MAF: variants seen among roughly 807,000 people sequenced by gnomAD.
MAF encodes the protein transcription factor Maf.
Under a neutral mutation model 22.0 loss-of-function variants are expected in MAF, and 10 were observed. The observed-to-expected ratio is 0.45, with a 90% CI of 0.28 to 0.77. The LOEUF (loss-of-function observed/expected upper bound fraction) is 0.77. Ranked by LOEUF, MAF falls within the 30% of genes least tolerant of loss-of-function variation. The probability of loss-of-function intolerance (pLI) is 0.12; values close to 1 mark genes in which losing one functional copy is unlikely to be tolerated. For synonymous variants in MAF, 337 were observed against 255.8 expected, an observed-to-expected ratio of 1.32 and a Z score of -3.03; for missense variants, 544 against 548.4, an observed-to-expected ratio of 0.99 and a Z score of 0.08.
chr16:79,301,238 CA>C, the MAF span, among the ~76,000 whole-genome samples: 1 of 152,108 alleles, frequency 6.6e-6, no homozygotes, highest in African/African-American at 2.4e-5. Flanking sequence ...GAGGACGGGA[CA>C]GGGGGAAGCG....
At chr16:79,473,951 A>G in the MAF span, among the ~76,000 whole-genome samples, 3 of 152,248 alleles carry the variant, frequency 2.0e-5, no homozygotes, top group African/African-American at 7.2e-5. Context: ...TGGTTTATAA[A>G]GTGGTCGAGT....
At chr16:79,427,372 A>C in the MAF span, among the ~76,000 whole-genome samples, 2 of 152,350 alleles carry the variant, frequency 1.3e-5, no homozygotes, top group East Asian at 3.9e-4. Flanking sequence ...ATGCTGCTAC[A>C]TCAACAGGGC....
At chr16:79,481,433 C>T in the MAF span, among the ~76,000 whole-genome samples, 1 of 152,138 alleles carries the variant, frequency 6.6e-6, no homozygotes, top group Non-Finnish European at 1.5e-5. Context: ...TGCCTCCAAA[C>T]CCTAGGCCAC....
At chr16:79,564,125 C>T in the MAF span, among the ~76,000 whole-genome samples, 1 of 152,354 alleles carries the variant, frequency 6.6e-6, no homozygotes, top group Admixed American at 6.5e-5. Context: ...CTTCAGGCCT[C>T]CTGGGATTTC....
At chr16:79,514,157 CG>C in the MAF span, among the ~76,000 whole-genome samples, 2 of 152,166 alleles carry the variant, frequency 1.3e-5, no homozygotes, top group South Asian at 2.1e-4. Context: ...TTTCATTGCA[CG>C]GGGGAAATAA....
At chr16:79,451,146 G>A in the MAF span, among the ~76,000 whole-genome samples, 1 of 152,190 alleles carries the variant, frequency 6.6e-6, no homozygotes, top group Non-Finnish European at 1.5e-5. Flanking sequence ...TAAAGAAAAT[G>A]CTACCCACCA....
At chr16:79,393,862 C>T in the MAF span, among the ~76,000 whole-genome samples, 1 of 152,136 alleles carries the variant, frequency 6.6e-6, no homozygotes, top group Non-Finnish European at 1.5e-5. Context: ...AAGCAAGAAG[C>T]AAACAGAAGA....
chr16:79,385,375 G>T, the MAF span, among the ~76,000 whole-genome samples: 1 of 151,822 alleles, frequency 6.6e-6, no homozygotes, highest in Non-Finnish European at 1.5e-5. Flanking sequence ...CCCGAGTGAG[G>T]GTTTAAAATT....
the MAF span, among the ~76,000 whole-genome samples, chr16:79,488,708 G>C: frequency 6.6e-6 from 1 of 152,150 alleles, no homozygotes; most frequent in Admixed American, 6.6e-5. Context: ...CCATTTATAA[G>C]TTAATTTATC....
chr16:79,303,110 T>G, the MAF span, among the ~76,000 whole-genome samples: 1 of 152,178 alleles, frequency 6.6e-6, no homozygotes, highest in Non-Finnish European at 1.5e-5. Flanking sequence ...TGAATGTGTG[T>G]GTGTTGGGAG....
chr16:79,246,546 G>T, the MAF span, among the ~76,000 whole-genome samples: 1,726 of 136,748 alleles, frequency 0.013, 97 homozygotes, highest in African/African-American at 0.044. Flanking sequence ...TTTTTGGGGG[G>T]GGTGTGGGGG....
the MAF span, among the ~76,000 whole-genome samples, chr16:79,250,334 T>C: frequency 1.3e-5 from 2 of 152,250 alleles, no homozygotes; most frequent in African/African-American, 2.4e-5. Context: ...CCTACGCTTT[T>C]AAGGCAATCT....
chr16:79,407,616 G>A, the MAF span, among the ~76,000 whole-genome samples: 5 of 152,240 alleles, frequency 3.3e-5, no homozygotes, highest in African/African-American at 1.2e-4. Flanking sequence ...AGCTCAGCCT[G>A]TGTTAGGAAG....
At chr16:79,295,518 C>A in the MAF span, among the ~76,000 whole-genome samples, 1 of 152,232 alleles carries the variant, frequency 6.6e-6, no homozygotes, top group Non-Finnish European at 1.5e-5. Context: ...GTGATTGGCA[C>A]ATGTGTGGGC....
At chr16:79,380,420 C>T in the MAF span, among the ~76,000 whole-genome samples, 1 of 152,146 alleles carries the variant, frequency 6.6e-6, no homozygotes, top group African/African-American at 2.4e-5. Flanking sequence ...TCATGCTAAC[C>T]ATTAGCTTAT....
At chr16:79,411,368 T>C in the MAF span, among the ~76,000 whole-genome samples, 8 of 152,346 alleles carry the variant, frequency 5.3e-5, no homozygotes, top group Middle Eastern at 3.4e-3. Context: ...ATTCCTGTAT[T>C]ATGAACACTT....
chr16:79,347,837 T>C, the MAF span, among the ~76,000 whole-genome samples: 2 of 152,254 alleles, frequency 1.3e-5, no homozygotes, highest in African/African-American at 4.8e-5. Flanking sequence ...GAACCATGGA[T>C]TCTTTTGTCC....
In MAF at chr16:79,594,570, A is replaced by G; in HGVS notation, c.1119-17T>C. ...GGCTCAGTTCTGTAATTGGAATGAAAGGAATTTTAACACTATTTAGACAAA... is the reference window on the plus strand; with the variant it reads ...GGCTCAGTTCTGTAATTGGAATGAAGGGAATTTTAACACTATTTAGACAAA... On this transcript the variant is annotated splice_polypyrimidine_tract_variant and intron_variant, in intron 1 of 1. Coordinates refer to ENST00000326043, the MANE Select transcript of MAF (RefSeq NM_005360.5). 1 of 1,554,920 alleles carries G rather than the reference A, an allele frequency of 6.4e-7. No individual in the cohort carries two copies. The highest frequency in any genetic ancestry group is 8.7e-7 in the Non-Finnish European group (1 of 1,148,052).
chr16:79,520,014 G>T, the MAF span, among the ~76,000 whole-genome samples: 2 of 152,216 alleles, frequency 1.3e-5, no homozygotes, highest in South Asian at 2.1e-4. Flanking sequence ...TGCTGGAACT[G>T]CATTGAGTAA....
Sources: gnomAD v4.1 joint callset for allele counts (sites outside exome capture counted in the v4.1 genomes callset) on GRCh38, gnomAD v4.1.1 for gene constraint, MANE v1.5 for transcripts, NCBI Gene and HGNC (gene_info 2026-07-23, HGNC 2026-07-21) for gene names.